Variants in ATRNL1 observed in about 807,000 individuals in gnomAD.
The protein encoded by ATRNL1 is attractin-like protein 1.
ATRNL1 carries 95 observed loss-of-function variants against 182.7 expected under a neutral mutation model. The ratio of observed to expected loss-of-function variants is 0.52; its 90% CI spans 0.44 to 0.62. The LOEUF is 0.62. Ranked by LOEUF, ATRNL1 falls within the 20% of genes least tolerant of loss-of-function variation. The pLI is 0.00. For synonymous variants in ATRNL1, 576 were observed against 568.3 expected (o/e 1.01, Z -0.19); for missense variants, 1,471 against 1,679.5 (o/e 0.88, Z 2.17).
chr10:115,907,042 G>C (rs1354997794), intron 28 of ATRNL1, among the ~76,000 whole-genome samples: 1 of 152,194 alleles, frequency 6.6e-6, no homozygotes, highest in Non-Finnish European at 1.5e-5. Context: ...GATTAGGGAT[G>C]CTCAACCTGT....
intron 26 of ATRNL1, chr10:115,597,447 T>C (rs1555014372): frequency 3.1e-6 from 1 of 326,214 alleles, no homozygotes; most frequent in African/African-American, 2.2e-5. Context: ...TAAATATTTA[T>C]CTGTTGTGTG....
chr10:115,885,027 T>C lies in ATRNL1; in HGVS notation c.4018+37036T>C, dbSNP rs146714334. On this transcript the variant is annotated intron_variant, in intron 28 of 28. Transcript: ENST00000355044. Reference sequence around the variant, plus strand: ...CCTACCATAATATGCTTAAAGCTAATTAACATTCAGACTTCACTTTAGAGA... The same window carrying C: ...CCTACCATAATATGCTTAAAGCTAACTAACATTCAGACTTCACTTTAGAGA... Among the ~76,000 whole-genome samples, 20 of 152,322 alleles carry C rather than the reference T, an allele frequency of 1.3e-4. No homozygotes were observed. The East Asian group carries it at 3.9e-3, about 29-fold the overall frequency.
intron 28 of ATRNL1, among the ~76,000 whole-genome samples, chr10:115,897,441 T>C (rs782685333): frequency 6.6e-6 from 1 of 152,204 alleles, no homozygotes; most frequent in Non-Finnish European, 1.5e-5. Context: ...ATTTCAGCTT[T>C]TTCGATCCTA....
intron 21 of ATRNL1, among the ~76,000 whole-genome samples, chr10:115,457,135 G>A (rs1847563254): frequency 6.6e-6 from 1 of 152,068 alleles, no homozygotes; most frequent in Non-Finnish European, 1.5e-5. Context: ...ACACCGGAGA[G>A]TGAGTAAGGC....
At chr10:115,330,445 A>G (rs1290364783) in intron 18 of ATRNL1, among the ~76,000 whole-genome samples, 1 of 151,938 alleles carries the variant, frequency 6.6e-6, no homozygotes, top group Non-Finnish European at 1.5e-5. Flanking sequence ...AACTCCTGAA[A>G]GTATTTTTTT....
At chr10:115,354,438 G>A (rs1230650377) in intron 19 of ATRNL1, among the ~76,000 whole-genome samples, 1 of 151,802 alleles carries the variant, frequency 6.6e-6, no homozygotes, top group Non-Finnish European at 1.5e-5. Context: ...CCTCCATATT[G>A]AAGGATATCT....
chr10:115,781,603 A>T (rs1949267329), intron 27 of ATRNL1, among the ~76,000 whole-genome samples: 1 of 152,192 alleles, frequency 6.6e-6, no homozygotes, highest in South Asian at 2.1e-4. Flanking sequence ...GTTCAGTAAC[A>T]GGAAAGACTC....
intron 27 of ATRNL1, among the ~76,000 whole-genome samples, chr10:115,818,202 G>A (rs1445508681): frequency 9.7e-5 from 8 of 82,626 alleles, no homozygotes; most frequent in Admixed American, 8.5e-4. Context: ...TTTTTTTTTT[G>A]GACAGTCAGC....
At chr10:115,223,513 A>G (rs1238095748) in intron 9 of ATRNL1, among the ~76,000 whole-genome samples, 1 of 152,152 alleles carries the variant, frequency 6.6e-6, no homozygotes, top group Non-Finnish European at 1.5e-5. Flanking sequence ...CAAACACAAG[A>G]GACAAAACAT....
At chr10:115,240,273 A>G (rs1459038930) in intron 9 of ATRNL1, among the ~76,000 whole-genome samples, 1 of 141,864 alleles carries the variant, frequency 7.0e-6, no homozygotes, top group Admixed American at 7.1e-5. Context: ...TTTTTTTGAG[A>G]CAGAGTCTCA....
chr10:115,366,499 G>T (rs1471377422), intron 19 of ATRNL1, among the ~76,000 whole-genome samples: 3 of 152,152 alleles, frequency 2.0e-5, no homozygotes, highest in East Asian at 1.9e-4. Context: ...CTTTTAATTG[G>T]AGCGTTTAGT....
intron 26 of ATRNL1, among the ~76,000 whole-genome samples, chr10:115,676,532 G>A (rs527344476): frequency 2.6e-5 from 4 of 151,804 alleles, no homozygotes; most frequent in Admixed American, 6.6e-5. Flanking sequence ...GAGTGACTGA[G>A]ATCTCTGTCT....
intron 19 of ATRNL1, among the ~76,000 whole-genome samples, chr10:115,341,844 T>C (rs1284422898): frequency 2.6e-5 from 4 of 152,148 alleles, no homozygotes; most frequent in African/African-American, 9.7e-5. Flanking sequence ...TCCTATTCTT[T>C]TTTGGTTTCC....
chr10:115,227,169 G>C (rs1849735154), intron 9 of ATRNL1, among the ~76,000 whole-genome samples: 2 of 152,008 alleles, frequency 1.3e-5, no homozygotes, highest in Admixed American at 1.3e-4. Flanking sequence ...TTCTCAAACT[G>C]TGCATCTGAC....
intron 27 of ATRNL1, among the ~76,000 whole-genome samples, chr10:115,800,767 G>A (rs1253480303): frequency 6.6e-6 from 1 of 152,200 alleles, no homozygotes; most frequent in Non-Finnish European, 1.5e-5. Flanking sequence ...TCTGTCATGT[G>A]AGGACACAGC....
At chr10:115,568,929 A>T (rs1336116) in intron 26 of ATRNL1, among the ~76,000 whole-genome samples, 9 of 151,754 alleles carry the variant, frequency 5.9e-5, no homozygotes, top group Non-Finnish European at 8.8e-5. Flanking sequence ...AAATGTGTAA[A>T]CATGTATCCC....
intron 27 of ATRNL1, among the ~76,000 whole-genome samples, chr10:115,756,363 G>A (rs1416548949): frequency 3.3e-5 from 5 of 152,114 alleles, no homozygotes; most frequent in Non-Finnish European, 7.4e-5. Context: ...GGTACGTTGT[G>A]TCTTTGTTCT....
intron 17 of ATRNL1, among the ~76,000 whole-genome samples, chr10:115,310,256 G>T (rs1853946643): frequency 6.6e-6 from 1 of 152,034 alleles, no homozygotes; most frequent in Non-Finnish European, 1.5e-5. Context: ...CTAGTATTTT[G>T]TTGAGGATTT....
intron 19 of ATRNL1, among the ~76,000 whole-genome samples, chr10:115,357,184 T>C (rs1274683541): frequency 5.3e-5 from 8 of 151,934 alleles, no homozygotes; most frequent in African/African-American, 1.9e-4. Flanking sequence ...GAATTCCTAC[T>C]GGCTTGAAAT....
Sources: gnomAD v4.1 joint callset for allele counts (sites outside exome capture counted in the v4.1 genomes callset) on GRCh38, gnomAD v4.1.1 for gene constraint, MANE v1.5 for transcripts, NCBI Gene and HGNC (gene_info 2026-07-23, HGNC 2026-07-21) for gene names.